The following UGT1A8 variants were observed in gnomAD, a reference collection of about 807,000 sequenced individuals.
UGT1A8 encodes the protein UDP-glucuronosyltransferase 1A8.
A neutral mutation model predicts 45.3 loss-of-function variants in UGT1A8; 39 were observed. That is an observed-to-expected ratio of 0.86 (90% CI 0.67 to 1.12). The LOEUF (loss-of-function observed/expected upper bound fraction) is 1.12, where lower values mean the gene tolerates loss of function less well. Among genes scored for constraint, UGT1A8 ranks in the 50% most tolerant of loss-of-function variants. The probability of loss-of-function intolerance (pLI) is 0.00; values close to 1 mark genes in which losing one functional copy is unlikely to be tolerated. For synonymous variants in UGT1A8, 275 were observed against 249.2 expected, an observed-to-expected ratio of 1.10 and a Z score of -0.97; for missense variants, 719 against 664.9, an observed-to-expected ratio of 1.08 and a Z score of -0.90.
Position 233,768,399 on chromosome 2 carries a change from G to T in UGT1A8, c.1255G>T (p.Asp419Tyr). ...TLNVLEMTSE[D>Y]LENALKAVIN... ...GAATGTTCTGGAAATGACTTCTGAA[G>T]ATTTAGAAAATGCTCTAAAAGCAGT... The change falls in exon 4 of 5, where the codon GAT becomes TAT. Residue 419 changes from aspartate (D) to tyrosine (Y), a missense_variant. Physicochemically the swap from Asp to Tyr is radical, Grantham distance 160 (BLOSUM62 -3). Transcript: ENST00000373450. The T allele has an allele frequency of 6.2e-7, 1 of 1,614,194 alleles. No individual in the cohort carries two copies. The highest frequency in any genetic ancestry group is 8.5e-7 in the Non-Finnish European group (1 of 1,180,044).
chr2:233,733,202 C>A (rs1192097385), intron 1 of UGT1A8, among the ~76,000 whole-genome samples: 2 of 152,102 alleles, frequency 1.3e-5, no homozygotes, highest in Non-Finnish European at 2.9e-5. Context: ...CTTAAGGAGA[C>A]TTTGGGCTGA....
At chr2:233,701,158 T>C (rs2075613048) in intron 1 of UGT1A8, among the ~76,000 whole-genome samples, 1 of 152,210 alleles carries the variant, frequency 6.6e-6, no homozygotes, top group South Asian at 2.1e-4. Context: ...TTTGCTATTG[T>C]GAATAGTGCC....
At chr2:233,719,270 A>T (rs775879041) in intron 1 of UGT1A8, 1 of 1,614,088 alleles carries the variant, frequency 6.2e-7, no homozygotes, top group South Asian at 1.1e-5. Flanking sequence ...ATGTGGTTTT[A>T]ACAGACCCCG....
At chr2:233,765,652 G>T (rs2126018835) in intron 1 of UGT1A8, among the ~76,000 whole-genome samples, 1 of 151,820 alleles carries the variant, frequency 6.6e-6, no homozygotes, top group East Asian at 1.9e-4. Context: ...GTCAATAGGT[G>T]CAGCAAACCA....
intron 4 of UGT1A8, among the ~76,000 whole-genome samples, chr2:233,768,799 G>A (rs1295681406): frequency 1.3e-5 from 2 of 151,984 alleles, no homozygotes; most frequent in East Asian, 3.9e-4. Flanking sequence ...TGTCAGGCTG[G>A]TCTTGAACTC....
In UGT1A8 at chr2:233,768,243, A is replaced by G. The variant is rs748989741; in HGVS notation, c.1099A>G (p.Ile367Val). 8 of 1,614,146 alleles carry G rather than the reference A, an allele frequency of 5.0e-6. No individual in the cohort carries two copies. In the South Asian group the frequency reaches 7.7e-5, roughly 16 times the overall value. Residue 367 changes from isoleucine (I) to valine (V), a missense_variant, in exon 4 of 5, where the codon ATC (isoleucine) becomes GTC (valine). Ile to Val is a conservative substitution (Grantham distance 29). Transcript: ENST00000373450. ...LLGHPMTRAF[I>V]THAGSHGVYE... is the part of the protein sequence containing the mutation. ...AGGTCACCCGATGACCCGTGCCTTT[A>G]TCACCCATGCTGGTTCCCATGGTGT...
chr2:233,723,542 A>ATTTTTTTTTTT (rs2077098328), intron 1 of UGT1A8, among the ~76,000 whole-genome samples: 1 of 74,518 alleles, frequency 1.3e-5, no homozygotes. Context: ...TTTTTAATTT[A>ATTTTTTTTTTT]TTTTTTTATT....
At chr2:233,620,294 G>A (rs2072977444) in intron 1 of UGT1A8, among the ~76,000 whole-genome samples, 1 of 152,168 alleles carries the variant, frequency 6.6e-6, no homozygotes, top group Non-Finnish European at 1.5e-5. Context: ...ACTCTAAGAG[G>A]TTGGACGTAT....
chr2:233,636,626 G>A, intron 1 of UGT1A8: 1 of 1,614,144 alleles, frequency 6.2e-7, no homozygotes, highest in South Asian at 1.1e-5. Context: ...CCCATGGATG[G>A]GAGTCACTGG....
At chr2:233,656,794 A>G (rs2073863228) in intron 1 of UGT1A8, among the ~76,000 whole-genome samples, 1 of 151,990 alleles carries the variant, frequency 6.6e-6, no homozygotes, top group Non-Finnish European at 1.5e-5. Flanking sequence ...GGAGGGTTCG[A>G]TTCACTTGTT....
chr2:233,764,840 A>T (rs903559567), intron 1 of UGT1A8, among the ~76,000 whole-genome samples: 2 of 151,474 alleles, frequency 1.3e-5, no homozygotes, highest in African/African-American at 4.9e-5. Flanking sequence ...GGGGAGGATG[A>T]CTCTGTCCTC....
chr2:233,708,692 A>C (rs1281876444), intron 1 of UGT1A8: 3 of 152,284 alleles, frequency 2.0e-5, no homozygotes, highest in Non-Finnish European at 4.4e-5. Context: ...TCAAGGTTCC[A>C]GTGAGCTATG....
chr2:233,706,890 G>A (rs563371230), intron 1 of UGT1A8, among the ~76,000 whole-genome samples: 1 of 152,282 alleles, frequency 6.6e-6, no homozygotes, highest in East Asian at 1.9e-4. Flanking sequence ...GCTCTGGTTG[G>A]AGGCATTTTA....
intron 4 of UGT1A8, 143 bp downstream of exon 4, chr2:233,768,582 CTTTTTTTTTTTTT>C (rs139595073): frequency 1.1e-5 from 11 of 1,033,176 alleles, no homozygotes; most frequent in Non-Finnish European, 9.8e-6. Context: ...TTTATTTCTT[CTTTTTTTTTTTTT>C]TTTTTTTTTG....
chr2:233,764,444 A>G (rs1698561692), intron 1 of UGT1A8, among the ~76,000 whole-genome samples: 2 of 152,188 alleles, frequency 1.3e-5, no homozygotes, highest in African/African-American at 4.8e-5. Context: ...CTTTTGTGCC[A>G]TTTAAACTTT....
intron 1 of UGT1A8, chr2:233,637,164 G>A (rs755759501): frequency 6.2e-7 from 1 of 1,613,900 alleles, no homozygotes; most frequent in East Asian, 2.2e-5. Flanking sequence ...TCGTGCACTT[G>A]GAGGACCATT....
chr2:233,713,283 C>T (rs764319623), intron 1 of UGT1A8: 1 of 1,614,222 alleles, frequency 6.2e-7, no homozygotes, highest in Non-Finnish European at 8.5e-7. Flanking sequence ...GGGTCACACT[C>T]AATCGTTCTT....
At chr2:233,671,917 C>T in intron 1 of UGT1A8, 1 of 1,587,944 alleles carries the variant, frequency 6.3e-7, no homozygotes. Context: ...GCTGCTTGCT[C>T]TCAGCTGCAG....
intron 1 of UGT1A8, among the ~76,000 whole-genome samples, chr2:233,620,469 AT>A (rs147695639): frequency 0.14 from 21,196 of 152,186 alleles, 1,539 homozygotes; most frequent in Non-Finnish European, 0.16. Context: ...CTTTAGAGAT[AT>A]AAAAAAGTAT....
Sources: gnomAD v4.1 joint callset for allele counts (sites outside exome capture counted in the v4.1 genomes callset) on GRCh38, gnomAD v4.1.1 for gene constraint, MANE v1.5 for transcripts, NCBI Gene and HGNC (gene_info 2026-07-23, HGNC 2026-07-21) for gene names.